The following PAK2 variants were observed in gnomAD, a reference collection of about 807,000 sequenced individuals.
PAK2 encodes serine/threonine-protein kinase PAK 2.
In PAK2, 21 loss-of-function variants were observed where a neutral mutation model predicts 65.9. The observed-to-expected ratio is 0.32, with a 90% CI of 0.23 to 0.46. The LOEUF is 0.46. Among genes scored for constraint, PAK2 ranks in the 20% least tolerant of loss-of-function variants. The pLI is 1.00. For missense variants in PAK2, 324 were observed against 642.6 expected (o/e 0.50, Z 5.36); for synonymous variants, 204 against 219.7 (o/e 0.93, Z 0.63).
chr3:196,809,564 A>G (rs1272948563), intron 7 of PAK2, among the ~76,000 whole-genome samples: 2 of 150,776 alleles, frequency 1.3e-5, no homozygotes, highest in Non-Finnish European at 3.0e-5. Context: ...GGCTGGTCTC[A>G]AACTCCTGAC....
intron 13 of PAK2, among the ~76,000 whole-genome samples, chr3:196,826,423 T>C (rs999888996): frequency 2.0e-5 from 3 of 150,502 alleles, no homozygotes; most frequent in Non-Finnish European, 3.0e-5. Flanking sequence ...CGGCCCGCCT[T>C]AGCCTCCCAA....
At chr3:196,822,429 C>T (rs187866155) in intron 13 of PAK2, among the ~76,000 whole-genome samples, 1 of 152,332 alleles carries the variant, frequency 6.6e-6, no homozygotes, top group African/African-American at 2.4e-5. Flanking sequence ...TGGCTCACGC[C>T]TGTCATCCCA....
intron 11 of PAK2, among the ~76,000 whole-genome samples, chr3:196,816,616 G>T (rs964580922): frequency 3.9e-5 from 6 of 152,214 alleles, no homozygotes; most frequent in Admixed American, 2.0e-4. Context: ...TGATTGCCTG[G>T]TAAATGTATT....
At chr3:196,746,473 C>T (rs943623939) in intron 1 of PAK2, among the ~76,000 whole-genome samples, 3 of 152,128 alleles carry the variant, frequency 2.0e-5, no homozygotes, top group Middle Eastern at 3.4e-3. Context: ...GTCCTGCGTA[C>T]GGAATTTATT....
chr3:196,802,071 C>A, intron 3 of PAK2, 44 bp downstream of exon 3: 1 of 957,636 alleles, frequency 1.0e-6, no homozygotes, highest in Middle Eastern at 2.1e-4. Flanking sequence ...TTTAAAATAG[C>A]ACTCAAACAT....
At chr3:196,803,269 A>G in intron 4 of PAK2, 105 bp downstream of exon 4, 2 of 935,410 alleles carry the variant, frequency 2.1e-6, no homozygotes, top group Non-Finnish European at 3.1e-6. Flanking sequence ...GTTCTTGTTG[A>G]TAACGGTTTT....
At chr3:196,745,982 C>CT (rs747502229) in intron 1 of PAK2, among the ~76,000 whole-genome samples, 121 of 145,270 alleles carry the variant, frequency 8.3e-4, no homozygotes, top group East Asian at 3.6e-3. Context: ...AATATTTAAC[C>CT]TTTTTTTTTT....
chr3:196,765,557 G>T (rs1714136814), intron 1 of PAK2, among the ~76,000 whole-genome samples: 1 of 152,096 alleles, frequency 6.6e-6, no homozygotes, highest in South Asian at 2.1e-4. Flanking sequence ...CAGCCTTCTT[G>T]TTTTTTGCCA....
chr3:196,753,600 A>T (rs144108902), intron 1 of PAK2, among the ~76,000 whole-genome samples: 154 of 152,280 alleles, frequency 1.0e-3, no homozygotes, highest in East Asian at 1.5e-3. Flanking sequence ...TTTACATTTA[A>T]ATTCATTAGT....
intron 1 of PAK2, among the ~76,000 whole-genome samples, chr3:196,761,411 G>A (rs1328859087): frequency 6.8e-4 from 48 of 70,938 alleles, no homozygotes; most frequent in African/African-American, 2.3e-3. Flanking sequence ...ATCTTGCACC[G>A]CCCTTAATCC....
At chr3:196,755,782 A>G (rs1713747835) in intron 1 of PAK2, among the ~76,000 whole-genome samples, 1 of 147,672 alleles carries the variant, frequency 6.8e-6, no homozygotes, top group Admixed American at 6.8e-5. Context: ...TTTGAGACGG[A>G]GTCTCGCTTT....
chr3:196,742,681 G>A (rs112181202), intron 1 of PAK2, among the ~76,000 whole-genome samples: 6 of 152,104 alleles, frequency 3.9e-5, no homozygotes, highest in East Asian at 1.9e-4. Context: ...TTGGGAGGCC[G>A]AGGCGGGCGG....
At position 196,832,481 on chromosome 3, in the gene PAK2, T is replaced by TA. The variant is rs569052648; in HGVS notation, c.*4083dup. ...CTTTCAGGGCTAGAAATAAACTTTT[T>TA]AAAAAAAGTGTGCATTTTTCCCTTT... is the stretch of plus-strand genomic sequence containing the variant. On this transcript the variant is annotated 3_prime_UTR_variant, in exon 15 of 15. Coordinates refer to ENST00000327134, the MANE Select transcript of PAK2 (RefSeq NM_002577.4). 4 of 152,092 alleles carry TA rather than the reference T, an allele frequency of 2.6e-5. No individual in the cohort carries two copies. The highest frequency in any genetic ancestry group is 6.6e-5 in the Admixed American group (1 of 15,254). 9.4% of individuals were successfully genotyped at this position (152,092 alleles called of 1,614,324 possible). A position where few individuals can be genotyped will look rare whatever the true frequency, so the allele number is the denominator to read the frequency against.
intron 1 of PAK2, among the ~76,000 whole-genome samples, chr3:196,759,025 A>C (rs1171826171): frequency 6.6e-6 from 1 of 152,196 alleles, no homozygotes; most frequent in Non-Finnish European, 1.5e-5. Context: ...CTGTCACTGG[A>C]TAGAAACATT....
chr3:196,803,232 C>A, intron 4 of PAK2, 68 bp downstream of exon 4: 3 of 1,263,856 alleles, frequency 2.4e-6, no homozygotes, highest in Non-Finnish European at 3.3e-6. Flanking sequence ...AAAGATTACT[C>A]CTGGAAAAAT....
At chr3:196,816,869 A>G (rs891546313) in intron 11 of PAK2, among the ~76,000 whole-genome samples, 5 of 152,150 alleles carry the variant, frequency 3.3e-5, no homozygotes, top group Admixed American at 1.3e-4. Context: ...GAAATATGGC[A>G]TAAGAGGAAA....
At chr3:196,767,885 G>A (rs934536326) in intron 1 of PAK2, among the ~76,000 whole-genome samples, 4 of 152,062 alleles carry the variant, frequency 2.6e-5, no homozygotes, top group Non-Finnish European at 4.4e-5. Flanking sequence ...ACATAGGGGT[G>A]ACCACAGTGC....
intron 2 of PAK2, among the ~76,000 whole-genome samples, chr3:196,800,065 T>G (rs1715375851): frequency 6.6e-6 from 1 of 152,168 alleles, no homozygotes; most frequent in Non-Finnish European, 1.5e-5. Flanking sequence ...ATCAGAAAAC[T>G]CGGTGTTGTT....
chr3:196,814,995 C>T (rs34234611), intron 11 of PAK2, among the ~76,000 whole-genome samples: 13,630 of 150,970 alleles, frequency 0.09, 806 homozygotes, highest in South Asian at 0.14. Flanking sequence ...CTGGCTAACA[C>T]GGTGAAACCC....
Sources: gnomAD v4.1 joint callset for allele counts (sites outside exome capture counted in the v4.1 genomes callset) on GRCh38, gnomAD v4.1.1 for gene constraint, MANE v1.5 for transcripts, NCBI Gene and HGNC (gene_info 2026-07-23, HGNC 2026-07-21) for gene names.